WDPCP: variants seen among roughly 807,000 people sequenced by gnomAD.
WDPCP encodes the protein WD repeat containing planar cell polarity effector.
WDPCP carries 71 observed loss-of-function variants against 93.1 expected under a neutral mutation model. That is an observed-to-expected ratio of 0.76 (90% confidence interval 0.63 to 0.93). WDPCP has a LOEUF of 0.93. Ranked by LOEUF, WDPCP falls within the 40% of genes least tolerant of loss-of-function variation. The pLI is 0.00. For synonymous variants in WDPCP, 315 were observed against 315.0 expected, an observed-to-expected ratio of 1.00 and a Z score of 0.00; for missense variants, 844 against 887.4, an observed-to-expected ratio of 0.95 and a Z score of 0.62.
intron 12 of WDPCP, among the ~76,000 whole-genome samples, chr2:63,333,166 G>A (rs1384755929): frequency 1.3e-5 from 2 of 152,024 alleles, no homozygotes; most frequent in Non-Finnish European, 1.5e-5. Flanking sequence ...CCAAATTCCT[G>A]TATAAGGGGT....
chr2:63,299,648 T>C (rs935543320), intron 13 of WDPCP, among the ~76,000 whole-genome samples: 1 of 152,128 alleles, frequency 6.6e-6, no homozygotes, highest in Non-Finnish European at 1.5e-5. Flanking sequence ...ACGGGGTGCA[T>C]ACGAGCCTCG....
intron 1 of WDPCP, among the ~76,000 whole-genome samples, chr2:63,546,656 A>T (rs1260441402): frequency 6.6e-6 from 1 of 152,222 alleles, no homozygotes; most frequent in Non-Finnish European, 1.5e-5. Flanking sequence ...AATGCACAGC[A>T]TAAGCAAACA....
chr2:63,434,145 C>T (rs760130265), intron 8 of WDPCP, among the ~76,000 whole-genome samples: 4 of 152,012 alleles, frequency 2.6e-5, no homozygotes, highest in East Asian at 1.9e-4. Context: ...CCATTTTTAG[C>T]AAAGGAAGGA....
At chr2:63,190,768 C>G (rs1269393284) in intron 14 of WDPCP, among the ~76,000 whole-genome samples, 1 of 151,196 alleles carries the variant, frequency 6.6e-6, no homozygotes, top group Non-Finnish European at 1.5e-5. Flanking sequence ...CTAAACAAAG[C>G]TTAATGTCTT....
intron 13 of WDPCP, among the ~76,000 whole-genome samples, chr2:63,287,941 C>T (rs1373576680): frequency 6.6e-6 from 1 of 152,134 alleles, no homozygotes; most frequent in Non-Finnish European, 1.5e-5. Flanking sequence ...AGTCTTGTTT[C>T]AGAAGTTAGC....
At chr2:63,622,059 CTTTTTTCTT>C in intron 3 of WDPCP, 1 of 543,850 alleles carries the variant, frequency 1.8e-6, no homozygotes, top group Non-Finnish European at 2.6e-6. Context: ...AACATTCTTT[CTTTTTTCTT>C]TTTTTTTTTT....
At chr2:63,693,439 TTAGA>T (rs55755279) in intron 2 of WDPCP, among the ~76,000 whole-genome samples, 23,186 of 145,404 alleles carry the variant, frequency 0.16, 1,993 homozygotes, top group Non-Finnish European at 0.18. Context: ...GATATAGATA[TTAGA>T]TAGATAGATA....
intron 1 of WDPCP, among the ~76,000 whole-genome samples, chr2:63,559,346 C>G (rs959193159): frequency 6.6e-6 from 1 of 152,096 alleles, no homozygotes. Flanking sequence ...GGAAGCATTC[C>G]CTTTGAAAAC....
intron 14 of WDPCP, among the ~76,000 whole-genome samples, chr2:63,227,740 C>T (rs1474969569): frequency 6.6e-6 from 1 of 152,058 alleles, no homozygotes; most frequent in East Asian, 1.9e-4. Context: ...ATAGTAATTA[C>T]AGAGCTTAGC....
chr2:63,640,894 C>G (rs1295911667), intron 3 of WDPCP, among the ~76,000 whole-genome samples: 1 of 152,160 alleles, frequency 6.6e-6, no homozygotes, highest in Non-Finnish European at 1.5e-5. Flanking sequence ...GCTGTGCAAT[C>G]AAATGCTAGG....
chr2:63,311,297 A>G (rs939229968), intron 13 of WDPCP, among the ~76,000 whole-genome samples: 1 of 152,114 alleles, frequency 6.6e-6, no homozygotes, highest in Admixed American at 6.5e-5. Context: ...AAGAGGTAAC[A>G]TTTTTCAATC....
At chr2:63,679,425 G>C (rs2103625872) in intron 2 of WDPCP, among the ~76,000 whole-genome samples, 1 of 152,162 alleles carries the variant, frequency 6.6e-6, no homozygotes, top group South Asian at 2.1e-4. Flanking sequence ...GGGCAGGAGT[G>C]GTGAGTACTC....
intron 3 of WDPCP, among the ~76,000 whole-genome samples, chr2:63,626,975 T>G (rs1265715796): frequency 4.5e-5 from 6 of 133,480 alleles, no homozygotes; most frequent in African/African-American, 1.7e-4. Flanking sequence ...AAAGCATAAT[T>G]AAAAAAAAAA....
At chr2:63,605,221 A>C in intron 3 of WDPCP, 3 of 1,145,056 alleles carry the variant, frequency 2.6e-6, no homozygotes, top group Non-Finnish European at 2.6e-6. Context: ...CTTGGAATTA[A>C]TGAAAACTTT....
chr2:63,570,622 G>T (rs1707415566), intron 1 of WDPCP, among the ~76,000 whole-genome samples: 1 of 152,216 alleles, frequency 6.6e-6, no homozygotes, highest in South Asian at 2.1e-4. Flanking sequence ...GTTTACAGGG[G>T]AGAAATTGAA....
intron 14 of WDPCP, 59 bp downstream of exon 14, chr2:63,259,248 G>T (rs1681400582): frequency 1.4e-6 from 2 of 1,390,218 alleles, no homozygotes; most frequent in African/African-American, 2.8e-5. Context: ...AACATAAATA[G>T]AAATGATACT....
intron 14 of WDPCP, among the ~76,000 whole-genome samples, chr2:63,238,011 AAAC>A (rs1380459358): frequency 6.6e-6 from 1 of 151,984 alleles, no homozygotes; most frequent in African/African-American, 2.4e-5. Context: ...CTAAAAAAAA[AAAC>A]AACAAAATGC....
chr2:63,452,744 G>A (rs1167439989), intron 6 of WDPCP, among the ~76,000 whole-genome samples: 1 of 152,106 alleles, frequency 6.6e-6, no homozygotes, highest in East Asian at 1.9e-4. Context: ...CCAAAACAGA[G>A]ATATAGACCA....
chr2:63,592,425 ACTGTAGC>A (rs918883213), upstream of WDPCP, among the ~76,000 whole-genome samples: 7 of 152,208 alleles, frequency 4.6e-5, no homozygotes, highest in African/African-American at 1.7e-4. Flanking sequence ...GTAATGGCTC[ACTGTAGC>A]CTTAACTTCC....
Sources: gnomAD v4.1 joint callset for allele counts (sites outside exome capture counted in the v4.1 genomes callset) on GRCh38, gnomAD v4.1.1 for gene constraint, MANE v1.5 for transcripts, NCBI Gene and HGNC (gene_info 2026-07-23, HGNC 2026-07-21) for gene names.